AGRN: variants seen among roughly 807,000 people sequenced by gnomAD.
AGRN encodes the protein agrin proteoglycan.
AGRN carries 106 observed loss-of-function variants against 211.0 expected under a neutral mutation model. The ratio of observed to expected loss-of-function variants is 0.50; its 90% CI spans 0.43 to 0.59. AGRN has a LOEUF of 0.59. Among genes scored for constraint, AGRN ranks in the 20% least tolerant of loss-of-function variants. The probability of loss-of-function intolerance (pLI) is 0.00; values close to 1 mark genes in which losing one functional copy is unlikely to be tolerated. For missense variants in AGRN, 3,040 were observed against 2,982.6 expected (o/e 1.02, Z -0.45); for synonymous variants, 1,525 against 1,332.5 (o/e 1.14, Z -3.15).
At position 1,020,377 on chromosome 1, in the gene AGRN, C is replaced by T; in HGVS notation, c.201+4C>T. On this transcript the variant is annotated splice_donor_region_variant and intron_variant, in intron 1 of 35. Coordinates refer to ENST00000379370, the MANE Select transcript of AGRN (RefSeq NM_198576.4). ...GCAGCACACGTACTCCTGCAAGGTG[C>T]GCCCACCCGGACCCCGGCCTCCCCT... 1.3e-6 allele frequency: 2 copies of T among 1,495,020 alleles called. No individual in the cohort carries two copies. Among genetic ancestry groups the T allele is most frequent in the Non-Finnish European group, 1.8e-6 (2 of 1,120,952 alleles). 92.6% of individuals were successfully genotyped at this position (1,495,020 alleles called of 1,614,324 possible). A position where few individuals can be genotyped will look rare whatever the true frequency, so the allele number is the denominator to read the frequency against.
chr1:1,040,850 C>T lies in AGRN; in HGVS notation c.697C>T (p.Arg233Cys), dbSNP rs954510860. 1 of 1,530,448 alleles carries T rather than the reference C, an allele frequency of 6.5e-7. No homozygotes were observed. The highest frequency in any genetic ancestry group is 2.0e-5 in the Admixed American group (1 of 50,704). 94.8% of individuals were successfully genotyped at this position (1,530,448 alleles called of 1,614,324 possible). Residue 233 changes from arginine (R) to cysteine (C), a missense_variant, in exon 4 of 36, where the codon CGC becomes TGC. Around this residue, in one of 3 missense-constraint regions of AGRN, gnomAD observed 1,498 missense variants for 1,457.8 expected, o/e 1.03. Transcript: ENST00000379370. ...GCGGGCGCAGTGCAGCCAGCAGCGCCGCATCCGCCTGCTCAGCCGCGGGCC... is the reference window on the plus strand; with the variant it reads ...GCGGGCGCAGTGCAGCCAGCAGCGCTGCATCCGCCTGCTCAGCCGCGGGCC... The part of the protein sequence containing the change: ...LQRAQCSQQR[R>C]IRLLSRGPCG...
Position 1,046,850 on chromosome 1 carries a change from C to T in AGRN, c.3281C>T (p.Ala1094Val). The T allele has an allele frequency of 9.5e-6, 15 of 1,586,534 alleles. No homozygotes were observed. The highest frequency in any genetic ancestry group is 2.3e-5 in the South Asian group (2 of 87,390). Residue 1094 changes from alanine to valine, a missense_variant, in exon 19 of 36, where the codon GCC (alanine) becomes GTC (valine). Around this residue, in one of 3 missense-constraint regions of AGRN, gnomAD observed 1,537 missense variants for 1,505.0 expected, o/e 1.02. Coordinates refer to ENST00000379370, the MANE Select transcript of AGRN (RefSeq NM_198576.4). Reference sequence around the variant, plus strand: ...GAGCCCTTGGAGGGCAGCAGCGTGGCCACCCCTGGGCCACCTGTCGAGAGG... The same window carrying T: ...GAGCCCTTGGAGGGCAGCAGCGTGGTCACCCCTGGGCCACCTGTCGAGAGG... Reference protein sequence around the residue: ...GLEPLEGSSVATPGPPVERAS... With the variant: ...GLEPLEGSSVVTPGPPVERAS...
In AGRN at chr1:1,040,856, C is replaced by CGCCTGCTCA; in HGVS notation, c.707_715dup (p.Leu236_Ser238dup). ...GCAGTGCAGCCAGCAGCGCCGCATC[C>CGCCTGCTCA]GCCTGCTCAGCCGCGGGCCGTGCGG... On this transcript the variant is annotated inframe_insertion, in exon 4 of 36. Coordinates refer to ENST00000379370, the MANE Select transcript of AGRN (RefSeq NM_198576.4). 6.5e-7 allele frequency: 1 copy of CGCCTGCTCA among 1,528,872 alleles called. No individual in the cohort carries two copies. Among genetic ancestry groups the CGCCTGCTCA allele is most frequent in the Non-Finnish European group, 8.7e-7 (1 of 1,144,354 alleles). 94.7% of individuals were successfully genotyped at this position (1,528,872 alleles called of 1,614,324 possible).
rs1364848496 is a variant in AGRN, at chr1:1,054,995, C to T, written c.*14C>T. On this transcript the variant is annotated 3_prime_UTR_variant, in exon 36 of 36. Transcript: ENST00000379370. ...CCCACCCCATGAGCTGGCACCAGAG[C>T]CCCGCGCCCGCTGTAATTATTTTCT... 1.0e-5 allele frequency: 16 copies of T among 1,547,814 alleles called. No individual in the cohort carries two copies. In the South Asian group the frequency reaches 1.9e-4, roughly 18 times the overall value.
chr1:1,046,085 C>T lies in AGRN; in HGVS notation c.2802C>T (p.Thr934=). ...TCACCTGTCCAGAGGCCAACGCTAC[C>T]AAGGTGAGGGGTGTGGGATGTGAAG... is the stretch of plus-strand genomic sequence containing the variant. ...PMLTCPEANA[T]KVCGSDGVTY... Residue 934 remains threonine (T), a synonymous_variant, in exon 16 of 36, where the codon ACC becomes ACT. Coordinates refer to ENST00000379370, the MANE Select transcript of AGRN (RefSeq NM_198576.4). The T allele has an allele frequency of 6.2e-7, 1 of 1,614,042 alleles. No individual in the cohort carries two copies. Among genetic ancestry groups the T allele is most frequent in the Non-Finnish European group, 8.5e-7 (1 of 1,180,016 alleles).
Position 1,044,356 on chromosome 1 carries a change from C to T in AGRN, c.2171C>T (p.Thr724Ile), listed in dbSNP as rs753685295. 6.2e-7 allele frequency: 1 copy of T among 1,612,744 alleles called. No individual in the cohort carries two copies. The highest frequency in any genetic ancestry group is 8.5e-7 in the Non-Finnish European group (1 of 1,179,832). ...GSPVCGSDGV[T>I]YSTECELKKA... Reference sequence around the variant, plus strand: ...CAGGTGTGCGGCTCAGATGGGGTCACCTACAGCACCGAGTGTGAGCTGAAG... The same window carrying T: ...CAGGTGTGCGGCTCAGATGGGGTCATCTACAGCACCGAGTGTGAGCTGAAG... The change falls in exon 12 of 36, where the codon ACC (threonine) becomes ATC (isoleucine). Residue 724 changes from threonine to isoleucine, a missense_variant. By Grantham distance (89) the Thr-to-Ile change is moderately conservative. This residue lies in a region of AGRN where 1,498 missense variants were observed against 1,457.8 expected (regional missense o/e 1.03). Transcript: ENST00000379370.
Position 1,049,652 on chromosome 1 carries a change from T to G in AGRN, c.4601T>G (p.Ile1534Ser). The change falls in exon 26 of 36, where the codon ATT (isoleucine) becomes AGT (serine). Residue 1534 changes from isoleucine to serine, a missense_variant. Transcript: ENST00000379370. Reference sequence around the variant, plus strand: ...AACAACCAGCGCCTGGAGCTTGGCATTGGGCCGGGGGCTGCCACCCGAGGC... The same window carrying G: ...AACAACCAGCGCCTGGAGCTTGGCAGTGGGCCGGGGGCTGCCACCCGAGGC... ...DVNNQRLELG[I>S]GPGAATRGSG... The G allele has an allele frequency of 6.3e-7, 1 of 1,583,616 alleles. No homozygotes were observed. Among genetic ancestry groups the G allele is most frequent in the South Asian group, 1.1e-5 (1 of 87,334 alleles).
Position 1,051,057 on chromosome 1 carries a change from C to T in AGRN, c.5254-196C>T, listed in dbSNP as rs575781288. ...AAATCCCGCAAGGTACTGTCGGCCT[C>T]TCATCCGCTCACCGTCTCTGGCGCC... On this transcript the variant is annotated intron_variant, in intron 30 of 35. Coordinates refer to ENST00000379370, the MANE Select transcript of AGRN (RefSeq NM_198576.4). The T allele has an allele frequency of 3.2e-6, 5 of 1,548,874 alleles. No homozygotes were observed. In the South Asian group the frequency reaches 3.6e-5, roughly 11 times the overall value.
At position 1,045,958 on chromosome 1, in the gene AGRN, C is replaced by A; in HGVS notation, c.2681-6C>A. The A allele has an allele frequency of 1.9e-6, 3 of 1,613,336 alleles. No homozygotes were observed. The highest frequency in any genetic ancestry group is 2.5e-6 in the Non-Finnish European group (3 of 1,179,996). ...GCCACAGAGGTTTCCCATGCCCGTGCCCCAGACGCTTCTGCGCCTGCGACC... is the reference window on the plus strand; with the variant it reads ...GCCACAGAGGTTTCCCATGCCCGTGACCCAGACGCTTCTGCGCCTGCGACC... On this transcript the variant is annotated splice_polypyrimidine_tract_variant and splice_region_variant and intron_variant, in intron 15 of 35. Transcript: ENST00000379370.
rs1645056626 is a variant in AGRN at position 1,045,221 on chromosome 1, G to T, written c.2315G>T (p.Gly772Val). The change falls in exon 13 of 36, where the codon GGC becomes GTC. Residue 772 changes from glycine to valine, a missense_variant. Gly to Val is a moderately radical substitution (Grantham distance 109, BLOSUM62 -3). This residue lies in a region of AGRN where 1,498 missense variants were observed against 1,457.8 expected (regional missense o/e 1.03). Transcript: ENST00000379370. ...TTACACTGTGCCCAGACGCCCTACG[G>T]CTGCTGCCAGGACAATATCACCGCA... ...APLHCAQTPY[G>V]CCQDNITAAR... 6.2e-7 allele frequency: 1 copy of T among 1,612,384 alleles called. No homozygotes were observed. Among genetic ancestry groups the T allele is most frequent in the Non-Finnish European group, 8.5e-7 (1 of 1,179,880 alleles).
At position 1,048,830 on chromosome 1, in the gene AGRN, A is replaced by C; in HGVS notation, c.4106-37A>C. The C allele has an allele frequency of 1.3e-6, 2 of 1,497,084 alleles. No individual in the cohort carries two copies. Among genetic ancestry groups the C allele is most frequent in the Non-Finnish European group, 1.8e-6 (2 of 1,121,712 alleles). The allele number at this position is 1,497,084 out of a possible 1,614,324, so 92.7% of individuals were successfully genotyped here. ...AGGGATAAAAGTGGGGAATCCTCGG[A>C]GCTTTTCCAGCCGGCCCTCCCGGTC... On this transcript the variant is annotated intron_variant, in intron 23 of 35. Coordinates refer to ENST00000379370, the MANE Select transcript of AGRN (RefSeq NM_198576.4). The surrounding 1 kb of genome is among the most constrained non-coding windows in gnomAD (Gnocchi z 5.9).
In AGRN at chr1:1,049,005, C is replaced by T. The variant is rs1227072124; in HGVS notation, c.4244C>T (p.Ala1415Val). 5 of 1,580,378 alleles carry T rather than the reference C, an allele frequency of 3.2e-6. No individual in the cohort carries two copies. In the African/African-American group the frequency reaches 4.1e-5, roughly 13 times the overall value. ...GGGCTGCTGCTGTACAATGGCAACG[C>T]CCGGGGCAAGGACTTCCTGGCATTG... is the stretch of plus-strand genomic sequence containing the variant. ...PQGLLLYNGN[A>V]RGKDFLALAL... Residue 1415 changes from alanine to valine, a missense_variant, in exon 24 of 36, where the codon GCC becomes GTC. Physicochemically the swap from Ala to Val is moderately conservative, Grantham distance 64. Transcript: ENST00000379370.
At chr1:1,024,469 A>C (rs1265823399) in intron 2 of AGRN, among the ~76,000 whole-genome samples, 2 of 151,660 alleles carry the variant, frequency 1.3e-5, no homozygotes, top group Non-Finnish European at 2.9e-5. Context: ...CTCCGACCCC[A>C]CCTCCCAGGG....
In AGRN at chr1:1,048,994, C is replaced by T. The variant is rs147664394; in HGVS notation, c.4233C>T (p.Tyr1411=). ...TGGAGCCTCAGGGGCTGCTGCTGTA[C>T]AATGGCAACGCCCGGGGCAAGGACT... ...RALEPQGLLL[Y]NGNARGKDFL... The change falls in exon 24 of 36, where the codon TAC becomes TAT. Residue 1411 remains tyrosine (Y), a synonymous_variant. Transcript: ENST00000379370. The surrounding 1 kb of genome is among the most constrained non-coding windows in gnomAD (Gnocchi z 5.9). 8 of 1,581,226 alleles carry T rather than the reference C, an allele frequency of 5.1e-6. No individual in the cohort carries two copies. The highest frequency in any genetic ancestry group is 3.5e-5 in the South Asian group (3 of 86,568).
rs774038564 is a variant in AGRN, at chr1:1,050,478, C to T, written c.5028C>T (p.Leu1676=). The T allele has an allele frequency of 1.9e-6, 3 of 1,612,954 alleles. No individual in the cohort carries two copies. The highest frequency in any genetic ancestry group is 1.3e-5 in the African/African-American group (1 of 75,032). The part of the protein sequence containing the change: ...VVFLARGPSG[L]LLYNGQKTDG... ...TCCTGGCACGAGGCCCCAGCGGCCT[C>T]CTGCTCTACAACGGGCAGAAGACGG... is the stretch of plus-strand genomic sequence containing the variant. Residue 1676 remains leucine (L), a synonymous_variant, in exon 29 of 36, where the codon CTC becomes CTT. Coordinates refer to ENST00000379370, the MANE Select transcript of AGRN (RefSeq NM_198576.4).
In AGRN at chr1:1,051,628, G is replaced by A. The variant is rs1215751206; in HGVS notation, c.5546G>A (p.Gly1849Glu). 2 of 1,611,456 alleles carry A rather than the reference G, an allele frequency of 1.2e-6. No homozygotes were observed. Among genetic ancestry groups the A allele is most frequent in the Admixed American group, 3.3e-5 (2 of 59,902 alleles). ...TGCCTGTGTCCCGGGGGATTCTCAG[G>A]ACCGCACTGCGAGAAGGGTGAGCCT... ...YVCLCPGGFS[G>E]PHCEKGLVEK... Residue 1849 changes from glycine to glutamate, a missense_variant, in exon 32 of 36, where the codon GGA becomes GAA. By Grantham distance (98) the Gly-to-Glu change is moderately conservative. Coordinates refer to ENST00000379370, the MANE Select transcript of AGRN (RefSeq NM_198576.4).
In AGRN at chr1:1,043,767, C is replaced by T; in HGVS notation, c.1798+35C>T. The T allele has an allele frequency of 1.9e-6, 3 of 1,604,266 alleles. No homozygotes were observed. The South Asian group carries it at 3.3e-5, about 18-fold the overall frequency. On this transcript the variant is annotated intron_variant, in intron 9 of 35. Transcript: ENST00000379370. ...GCCCTGGGGCCGGGCGGGCCAGGGTCCTGTGCCTCCCTCAGCCTGGGCCTG... is the reference window on the plus strand; with the variant it reads ...GCCCTGGGGCCGGGCGGGCCAGGGTTCTGTGCCTCCCTCAGCCTGGGCCTG...
chr1:1,043,136 CA>C, intron 7 of AGRN, 102 bp from the exon 8 acceptor site: 1 of 1,301,076 alleles, frequency 7.7e-7, no homozygotes, highest in Non-Finnish European at 1.1e-6. Context: ...TCTCTTCCTC[CA>C]CCATCCCCTC....
rs1304558254 is a variant in AGRN, at chr1:1,032,664, C to A, written c.464-2613C>A. ...CGAGTGTGGCAGATGGCTTGGTCCG[C>A]GGTGCTGGAGGGGACTGGCGGAGCA... On this transcript the variant is annotated intron_variant, in intron 2 of 35. Transcript: ENST00000379370. This position sits in a 1 kb window ranked among gnomAD's most constrained non-coding sequence, Gnocchi z 4.7. Among the ~76,000 whole-genome samples the A allele has an allele frequency of 6.6e-6, 1 of 152,122 alleles. No individual in the cohort carries two copies. Among genetic ancestry groups the A allele is most frequent in the East Asian group, 1.9e-4 (1 of 5,194 alleles).
Sources: allele counts gnomAD v4.1 joint callset (sites outside exome capture counted in the v4.1 genomes callset), GRCh38; gene constraint gnomAD v4.1.1; regional missense constraint gnomAD v4.1.1; non-coding constraint Gnocchi (gnomAD v3.1); transcripts MANE v1.5; gene names NCBI Gene and HGNC (gene_info 2026-07-23, HGNC 2026-07-21).